Variants in ZBTB20 observed in about 807,000 individuals in gnomAD.
ZBTB20 encodes zinc finger and BTB domain containing 20, also known as zinc finger and BTB domain-containing protein 20.
A neutral mutation model predicts 56.9 loss-of-function variants in ZBTB20; 9 were observed. The ratio of observed to expected loss-of-function variants is 0.16; its 90% confidence interval spans 0.10 to 0.28. The LOEUF is 0.28. ZBTB20 is among the 10% of genes least tolerant of loss of function. The pLI, the probability that ZBTB20 is intolerant of heterozygous loss-of-function variation, is 1.00. For synonymous variants in ZBTB20, 417 were observed against 420.7 expected, an observed-to-expected ratio of 0.99 and a Z score of 0.11; for missense variants, 655 against 1,003.0, an observed-to-expected ratio of 0.65 and a Z score of 4.69.
chr3:114,646,556 AT>A (rs558660069), intron 6 of ZBTB20, among the ~76,000 whole-genome samples: 27 of 152,248 alleles, frequency 1.8e-4, no homozygotes, highest in East Asian at 1.7e-3. Flanking sequence ...GCCAAAAAAA[AT>A]CTCTCTCTTC....
intron 6 of ZBTB20, among the ~76,000 whole-genome samples, chr3:114,619,653 G>A (rs2058184139): frequency 6.6e-6 from 1 of 152,128 alleles, no homozygotes; most frequent in Non-Finnish European, 1.5e-5. Context: ...CCTCTCCTCT[G>A]AAGAAGGCTT....
intron 4 of ZBTB20, among the ~76,000 whole-genome samples, chr3:114,807,497 C>A (rs866882611): frequency 2.7e-5 from 4 of 150,098 alleles, no homozygotes; most frequent in Admixed American, 6.7e-5. Flanking sequence ...CTCTTTCTTA[C>A]ATGTATTTAT....
At chr3:114,466,705 T>C (rs2092568701) in intron 7 of ZBTB20, among the ~76,000 whole-genome samples, 1 of 152,206 alleles carries the variant, frequency 6.6e-6, no homozygotes, top group Non-Finnish European at 1.5e-5. Flanking sequence ...CAACCATCAA[T>C]ACATAAATCC....
chr3:114,893,736 G>A (rs1229378964), intron 4 of ZBTB20, among the ~76,000 whole-genome samples: 1 of 152,104 alleles, frequency 6.6e-6, no homozygotes, highest in Non-Finnish European at 1.5e-5. Context: ...ATGAGGAAGG[G>A]GAGGGAGTGA....
chr3:115,078,546 T>C (rs2082675198), intron 1 of ZBTB20, among the ~76,000 whole-genome samples: 1 of 151,428 alleles, frequency 6.6e-6, no homozygotes, highest in Non-Finnish European at 1.5e-5. Context: ...TTATGGCACA[T>C]ATTTCATACA....
chr3:114,376,702 T>C (rs2083674689), intron 10 of ZBTB20, among the ~76,000 whole-genome samples: 1 of 152,060 alleles, frequency 6.6e-6, no homozygotes, highest in African/African-American at 2.4e-5. Context: ...AAAGGTTCAA[T>C]GAAAAATAAA....
Position 114,315,727 on chromosome 3 carries a change from G to GAA in ZBTB20, c.*23276_*23277dup, listed in dbSNP as rs77864403. 6.6e-6 allele frequency: 1 copy of GAA among 151,798 alleles called. No homozygotes were observed. The highest frequency in any genetic ancestry group is 1.5e-5 in the Non-Finnish European group (1 of 67,976). The allele number at this position is 151,798 out of a possible 1,614,324, so 9.4% of individuals were successfully genotyped here. A position where few individuals can be genotyped will look rare whatever the true frequency, so the allele number is the denominator to read the frequency against. On this transcript the variant is annotated 3_prime_UTR_variant, in exon 12 of 12. Coordinates refer to ENST00000675478, the MANE Select transcript of ZBTB20 (RefSeq NM_001348800.3). The stretch of plus-strand genomic sequence containing the variant: ...GAATCTTATCACAACACTGCGGCGG[G>GAA]AAAATCAGGAAATGGGTTCACCTTT...
chr3:114,540,638 T>C (rs2049007025), intron 6 of ZBTB20, among the ~76,000 whole-genome samples: 1 of 152,102 alleles, frequency 6.6e-6, no homozygotes, highest in South Asian at 2.1e-4. Flanking sequence ...TGTGTTCCTG[T>C]AGCCATGTCT....
chr3:114,986,353 A>T (rs1319218342), intron 2 of ZBTB20, among the ~76,000 whole-genome samples: 1 of 152,112 alleles, frequency 6.6e-6, no homozygotes, highest in Admixed American at 6.6e-5. Context: ...TATTTTTGAA[A>T]AGCTACAACA....
intron 4 of ZBTB20, among the ~76,000 whole-genome samples, chr3:114,842,474 T>C (rs1383414621): frequency 6.6e-6 from 1 of 152,140 alleles, no homozygotes; most frequent in East Asian, 1.9e-4. Context: ...TTTGTGGATA[T>C]GGAAATTAAC....
intron 7 of ZBTB20, among the ~76,000 whole-genome samples, chr3:114,439,958 A>G (rs576030049): frequency 4.3e-4 from 65 of 152,308 alleles, no homozygotes; most frequent in African/African-American, 1.4e-3. Context: ...ATTAGGGTCC[A>G]TAAGTAGATG....
intron 4 of ZBTB20, among the ~76,000 whole-genome samples, chr3:114,889,539 G>A (rs1210570930): frequency 2.6e-5 from 4 of 152,026 alleles, no homozygotes; most frequent in African/African-American, 9.7e-5. Flanking sequence ...CAGGTAGAAA[G>A]TGAATACATT....
chr3:114,957,506 A>T (rs986583195), intron 3 of ZBTB20, among the ~76,000 whole-genome samples: 3 of 152,200 alleles, frequency 2.0e-5, no homozygotes, highest in Non-Finnish European at 2.9e-5. Context: ...AAATGTATGA[A>T]AACCACTGCC....
chr3:114,837,634 G>A (rs1312089252), intron 4 of ZBTB20, among the ~76,000 whole-genome samples: 2 of 152,068 alleles, frequency 1.3e-5, no homozygotes, highest in Non-Finnish European at 2.9e-5. Context: ...TTTTCTCAGG[G>A]AGAGCAATCC....
intron 4 of ZBTB20, among the ~76,000 whole-genome samples, chr3:114,812,290 G>A (rs1172493841): frequency 6.6e-6 from 1 of 152,116 alleles, no homozygotes; most frequent in Non-Finnish European, 1.5e-5. Flanking sequence ...TACAATCCCT[G>A]AGCTAGACAC....
At chr3:115,044,428 A>G (rs942218943) in intron 2 of ZBTB20, among the ~76,000 whole-genome samples, 5 of 152,236 alleles carry the variant, frequency 3.3e-5, no homozygotes, top group Non-Finnish European at 7.3e-5. Flanking sequence ...GAGAAGGCAA[A>G]GCCTAATGTG....
At chr3:114,937,040 C>T (rs2076558402) in intron 3 of ZBTB20, among the ~76,000 whole-genome samples, 1 of 152,136 alleles carries the variant, frequency 6.6e-6, no homozygotes, top group Non-Finnish European at 1.5e-5. Flanking sequence ...GGGTTGGTTC[C>T]AAGTCTTTGT....
chr3:114,702,370 A>G (rs1210950451), intron 5 of ZBTB20, among the ~76,000 whole-genome samples: 1 of 152,158 alleles, frequency 6.6e-6, no homozygotes, highest in East Asian at 1.9e-4. Flanking sequence ...CCCAAAAATC[A>G]GATGATTAAT....
chr3:114,595,801 CAAG>C (rs1577844867), intron 6 of ZBTB20, among the ~76,000 whole-genome samples: 1 of 152,152 alleles, frequency 6.6e-6, no homozygotes, highest in East Asian at 1.9e-4. Context: ...ATTCTTGTCA[CAAG>C]ATACGGTCAA....
Sources: allele counts gnomAD v4.1 joint callset (sites outside exome capture counted in the v4.1 genomes callset), GRCh38; gene constraint gnomAD v4.1.1; transcripts MANE v1.5; gene names NCBI Gene and HGNC (gene_info 2026-07-23, HGNC 2026-07-21).